RIMS2: variants seen among roughly 807,000 people sequenced by gnomAD.
RIMS2 encodes regulating synaptic membrane exocytosis 2.
A neutral mutation model predicts 174.4 loss-of-function variants in RIMS2; 59 were observed. The ratio of observed to expected loss-of-function variants is 0.34; its 90% CI spans 0.27 to 0.42. The LOEUF is 0.42. Among genes scored for constraint, RIMS2 ranks in the 10% least tolerant of loss-of-function variants. The pLI is 1.00. For synonymous variants in RIMS2, 606 were observed against 572.5 expected (o/e 1.06, Z -0.84); for missense variants, 1,620 against 1,666.3 (o/e 0.97, Z 0.48).
intron 1 of RIMS2, among the ~76,000 whole-genome samples, chr8:103,510,255 G>A (rs1220774687): frequency 6.6e-6 from 1 of 152,196 alleles, no homozygotes; most frequent in Non-Finnish European, 1.5e-5. Context: ...TCAGTTGACA[G>A]ATGGAGGTGG....
At chr8:103,923,013 TAAAC>T (rs1362828618) in intron 10 of RIMS2, among the ~76,000 whole-genome samples, 1 of 152,010 alleles carries the variant, frequency 6.6e-6, no homozygotes, top group Admixed American at 6.6e-5. Context: ...TTGTATTTCA[TAAAC>T]AGAGTGAACT....
chr8:104,134,130 A>C (rs2098498107), intron 19 of RIMS2, among the ~76,000 whole-genome samples: 1 of 152,208 alleles, frequency 6.6e-6, no homozygotes. Context: ...AAAAATTTTA[A>C]AAAGTAAATG....
chr8:103,538,547 C>T lies in RIMS2; in HGVS notation c.176+37485C>T, dbSNP rs149743397. On this transcript the variant is annotated intron_variant, in intron 1 of 23. Transcript: ENST00000504942. ...ATTCTTTTTTTTGGAGATGGAGTCT[C>T]GCTCTGTTGCCCAGGCTGGACTACA... Among the ~76,000 whole-genome samples the T allele has an allele frequency of 3.9e-4, 58 of 150,158 alleles. 1 individual carries two copies. The East Asian group carries it at 4.6e-3, about 12-fold the overall frequency.
intron 15 of RIMS2, among the ~76,000 whole-genome samples, chr8:103,963,168 ATAATT>A (rs1721200223): frequency 6.6e-6 from 1 of 152,160 alleles, no homozygotes; most frequent in African/African-American, 2.4e-5. Context: ...AGCTTATCAA[ATAATT>A]TAAGGACCAC....
intron 1 of RIMS2, among the ~76,000 whole-genome samples, chr8:103,693,049 C>T (rs2137132612): frequency 6.6e-6 from 1 of 152,290 alleles, no homozygotes; most frequent in Admixed American, 6.5e-5. Context: ...TGGTTGAACT[C>T]TGGTTCCTAC....
chr8:104,164,929 T>G lies in RIMS2; in HGVS notation c.3335-79987T>G, dbSNP rs143410900. On this transcript the variant is annotated intron_variant, in intron 19 of 23. Transcript: ENST00000504942. ...CACATGTTTACCTATGTAACAAACC[T>G]GCAAATCCTGTATATGTACCCCTGA... is the stretch of plus-strand genomic sequence containing the variant. Among the ~76,000 whole-genome samples the G allele has an allele frequency of 5.9e-5, 9 of 152,170 alleles. No individual in the cohort carries two copies. The East Asian group carries it at 1.7e-3, about 29-fold the overall frequency.
chr8:103,600,456 A>G (rs529615723), intron 1 of RIMS2, among the ~76,000 whole-genome samples: 26 of 152,126 alleles, frequency 1.7e-4, no homozygotes, highest in African/African-American at 5.5e-4. Context: ...TTTTTAGTAG[A>G]CATGGGGTTT....
chr8:103,597,936 T>A (rs148528175), intron 1 of RIMS2, among the ~76,000 whole-genome samples: 197 of 152,252 alleles, frequency 1.3e-3, no homozygotes, highest in African/African-American at 4.4e-3. Flanking sequence ...AAGTATTATT[T>A]TACGGAATTT....
rs559717983 is a variant in RIMS2, at chr8:103,893,050, C to T, written c.1624+6827C>T. ...TGGTGTATAGGGCATTTATAATTGA[C>T]CTGAAAAAGCATTGAAATAGCAGAT... On this transcript the variant is annotated intron_variant, in intron 4 of 23. Transcript: ENST00000504942. Among the ~76,000 whole-genome samples, 3 of 151,934 alleles carry T rather than the reference C, an allele frequency of 2.0e-5. No homozygotes were observed. The South Asian group carries it at 6.2e-4, about 32-fold the overall frequency.
At chr8:103,587,458 A>AAGAAAGAG (rs1554653615) in intron 1 of RIMS2, among the ~76,000 whole-genome samples, 2 of 115,998 alleles carry the variant, frequency 1.7e-5, no homozygotes, top group East Asian at 4.0e-4. Context: ...GAAAGAAAGA[A>AAGAAAGAG]AGAAAGAAAG....
At chr8:104,223,742 G>T in intron 19 of RIMS2, 2 of 1,595,240 alleles carry the variant, frequency 1.3e-6, no homozygotes, top group Non-Finnish European at 1.7e-6. Context: ...CTCCTTCGAG[G>T]CACTGGCCGG....
At chr8:103,500,865 G>C in exon 1 of RIMS2, 1 of 1,561,350 alleles carries the variant, frequency 6.4e-7, no homozygotes, top group South Asian at 1.2e-5. Flanking sequence ...CGCTTCCCTA[G>C]GGTGGTTCGG....
chr8:103,637,334 G>T (rs1271445250), intron 1 of RIMS2, among the ~76,000 whole-genome samples: 1 of 152,036 alleles, frequency 6.6e-6, no homozygotes, highest in Non-Finnish European at 1.5e-5. Context: ...TTGCATCTGT[G>T]TTCATTAAGG....
At chr8:104,055,898 T>G (rs778996451) in intron 19 of RIMS2, among the ~76,000 whole-genome samples, 15 of 152,080 alleles carry the variant, frequency 9.9e-5, no homozygotes, top group Non-Finnish European at 2.2e-4. Flanking sequence ...TCTTCCTCTC[T>G]TCCTCTTTCT....
intron 19 of RIMS2, among the ~76,000 whole-genome samples, chr8:104,214,759 A>T (rs997320847): frequency 2.0e-5 from 3 of 152,118 alleles, no homozygotes; most frequent in African/African-American, 7.2e-5. Flanking sequence ...TCTTTAACAG[A>T]GTATCTTAAG....
chr8:104,247,691 T>G (rs971957209), intron 20 of RIMS2, among the ~76,000 whole-genome samples: 1 of 152,158 alleles, frequency 6.6e-6, no homozygotes, highest in Non-Finnish European at 1.5e-5. Context: ...TTTTTGTTTG[T>G]GTGTTTGCAG....
chr8:103,516,737 T>A (rs13257551), intron 1 of RIMS2, among the ~76,000 whole-genome samples: 27,674 of 152,072 alleles, frequency 0.18, 2,770 homozygotes, highest in African/African-American at 0.26. Context: ...ATGTGTATAT[T>A]AGACAAAGAA....
intron 19 of RIMS2, among the ~76,000 whole-genome samples, chr8:104,240,065 G>A (rs1232510608): frequency 1.3e-5 from 2 of 152,182 alleles, no homozygotes; most frequent in Non-Finnish European, 2.9e-5. Flanking sequence ...TTCAGGCAGA[G>A]AGAAGTATAT....
intron 3 of RIMS2, among the ~76,000 whole-genome samples, chr8:103,862,318 C>T (rs1014885234): frequency 1.3e-5 from 2 of 152,018 alleles, no homozygotes; most frequent in African/African-American, 4.8e-5. Context: ...GTTCTCTATT[C>T]TGTTCCATTG....
Sources: gnomAD v4.1 joint callset for allele counts (sites outside exome capture counted in the v4.1 genomes callset) on GRCh38, gnomAD v4.1.1 for gene constraint, MANE v1.5 for transcripts, NCBI Gene and HGNC (gene_info 2026-07-23, HGNC 2026-07-21) for gene names.